The following PLS1 variants were observed in gnomAD, a reference collection of about 807,000 sequenced individuals.
PLS1 encodes the protein plastin 1.
PLS1 carries 32 observed loss-of-function variants against 73.7 expected under a neutral mutation model. That is an observed-to-expected ratio of 0.43 (90% CI 0.33 to 0.58). The LOEUF (loss-of-function observed/expected upper bound fraction) is 0.58, where lower values mean the gene tolerates loss of function less well. Among genes scored for constraint, PLS1 ranks in the 20% least tolerant of loss-of-function variants. The pLI, the probability that PLS1 is intolerant of heterozygous loss-of-function variation, is 0.04. For synonymous variants in PLS1, 217 were observed against 261.3 expected (o/e 0.83, Z 1.63); for missense variants, 633 against 740.5 (o/e 0.85, Z 1.68).
intron 1 of PLS1, among the ~76,000 whole-genome samples, chr3:142,600,222 G>C (rs886219841): frequency 1.3e-5 from 2 of 152,218 alleles, no homozygotes; most frequent in Admixed American, 6.5e-5. Context: ...AGTGTACACA[G>C]TGAGGAGGGA....
intron 3 of PLS1, among the ~76,000 whole-genome samples, chr3:142,670,475 T>C (rs2037581260): frequency 6.6e-6 from 1 of 151,866 alleles, no homozygotes; most frequent in Admixed American, 6.5e-5. Context: ...AAGATCAGAT[T>C]TGCATTTAAA....
chr3:142,704,338 A>G, intron 13 of PLS1, 125 bp from the exon 14 acceptor site: 1 of 789,148 alleles, frequency 1.3e-6, no homozygotes. Context: ...CAAATGCCAG[A>G]CTAAAATTAG....
chr3:142,693,287 A>G (rs1316569168), intron 10 of PLS1, among the ~76,000 whole-genome samples: 2 of 152,182 alleles, frequency 1.3e-5, no homozygotes, highest in East Asian at 1.9e-4. Flanking sequence ...AATCCTTTAG[A>G]TCTGACAAGG....
At chr3:142,614,185 T>G (rs2036172545) in intron 1 of PLS1, among the ~76,000 whole-genome samples, 2 of 152,202 alleles carry the variant, frequency 1.3e-5, no homozygotes, top group African/African-American at 4.8e-5. Flanking sequence ...TGACTGAAGA[T>G]GGAAGCAACC....
intron 1 of PLS1, among the ~76,000 whole-genome samples, chr3:142,610,980 T>C (rs1024731430): frequency 6.6e-6 from 1 of 152,312 alleles, no homozygotes; most frequent in Non-Finnish European, 1.5e-5. Flanking sequence ...ATAAATATTT[T>C]AGGCTTTGTG....
intron 1 of PLS1, among the ~76,000 whole-genome samples, chr3:142,607,574 G>A (rs966148351): frequency 3.9e-5 from 6 of 152,140 alleles, no homozygotes; most frequent in South Asian, 4.1e-4. Flanking sequence ...GCTCCCGGCC[G>A]TATTATTAAC....
chr3:142,633,389 T>C (rs946531547), intron 1 of PLS1, among the ~76,000 whole-genome samples: 32 of 152,198 alleles, frequency 2.1e-4, no homozygotes, highest in African/African-American at 7.5e-4. Context: ...ACCTGTAATC[T>C]AGTTTCACAA....
At chr3:142,666,636 C>A (rs1259514646) in intron 2 of PLS1, among the ~76,000 whole-genome samples, 3 of 152,192 alleles carry the variant, frequency 2.0e-5, no homozygotes, top group Non-Finnish European at 4.4e-5. Flanking sequence ...GAAGTCCCTG[C>A]TTTCAATTAT....
intron 14 of PLS1, among the ~76,000 whole-genome samples, chr3:142,708,248 TATTTA>T (rs1391379707): frequency 6.6e-6 from 1 of 152,124 alleles, no homozygotes; most frequent in Non-Finnish European, 1.5e-5. Context: ...TTGTTTATTT[TATTTA>T]TTTATTTTTT....
intron 14 of PLS1, among the ~76,000 whole-genome samples, chr3:142,707,130 C>T (rs1295660490): frequency 1.3e-5 from 2 of 152,148 alleles, no homozygotes; most frequent in African/African-American, 4.8e-5. Context: ...AAGTGCTTGG[C>T]ATTTTGCATA....
At chr3:142,616,836 A>T (rs1157014673) in intron 1 of PLS1, among the ~76,000 whole-genome samples, 1 of 152,150 alleles carries the variant, frequency 6.6e-6, no homozygotes, top group Non-Finnish European at 1.5e-5. Context: ...TCCTGACCTC[A>T]GGTGATCCAT....
chr3:142,613,227 C>T (rs2036155478), intron 1 of PLS1, among the ~76,000 whole-genome samples: 1 of 152,130 alleles, frequency 6.6e-6, no homozygotes, highest in Non-Finnish European at 1.5e-5. Context: ...CCTGTAATCC[C>T]AGCACTTTGA....
chr3:142,706,073 A>G (rs1202635199), intron 14 of PLS1, among the ~76,000 whole-genome samples: 3 of 152,226 alleles, frequency 2.0e-5, no homozygotes, highest in African/African-American at 7.2e-5. Flanking sequence ...TTTGCACATT[A>G]TAGAAAATAT....
intron 1 of PLS1, among the ~76,000 whole-genome samples, chr3:142,628,729 T>C (rs1177726601): frequency 6.6e-6 from 1 of 152,230 alleles, no homozygotes; most frequent in African/African-American, 2.4e-5. Flanking sequence ...ACATTTGTCA[T>C]TGTTATTAGC....
intron 2 of PLS1, among the ~76,000 whole-genome samples, chr3:142,664,889 A>C (rs1028393455): frequency 4.0e-5 from 6 of 151,316 alleles, no homozygotes; most frequent in African/African-American, 1.5e-4. Flanking sequence ...CTTCCAAAAA[A>C]TTTTCCTCAT....
Position 142,669,558 on chromosome 3 carries a change from GTAAT to G in PLS1, c.234+6_234+9del. ...AGTTTTGAAGAGTTTGTGTCAGTAA[GTAAT>G]CTAATCCTTTCGGGCTACTGATAAT... On this transcript the variant is annotated splice_donor_region_variant and intron_variant, in intron 3 of 15. Transcript: ENST00000457734. 1 of 1,605,996 alleles carries G rather than the reference GTAAT, an allele frequency of 6.2e-7. No individual in the cohort carries two copies. The highest frequency in any genetic ancestry group is 1.3e-5 in the African/African-American group (1 of 74,864).
At chr3:142,685,548 A>G (rs773624080) in intron 8 of PLS1, among the ~76,000 whole-genome samples, 3 of 152,210 alleles carry the variant, frequency 2.0e-5, no homozygotes, top group Non-Finnish European at 4.4e-5. Flanking sequence ...GGCCTCAGTC[A>G]CATGTCTGGT....
intron 1 of PLS1, among the ~76,000 whole-genome samples, chr3:142,621,018 C>CA (rs992231122): frequency 1.3e-5 from 2 of 151,636 alleles, no homozygotes; most frequent in African/African-American, 4.8e-5. Flanking sequence ...GACTCTGTCT[C>CA]AAAAAAATAA....
At chr3:142,674,175 G>A (rs1174356814) in intron 4 of PLS1, among the ~76,000 whole-genome samples, 1 of 151,812 alleles carries the variant, frequency 6.6e-6, no homozygotes, top group Non-Finnish European at 1.5e-5. Context: ...ACATTTCTTT[G>A]TATATTTGTT....
Sources: gnomAD v4.1 joint callset for allele counts (sites outside exome capture counted in the v4.1 genomes callset) on GRCh38, gnomAD v4.1.1 for gene constraint, MANE v1.5 for transcripts, NCBI Gene and HGNC (gene_info 2026-07-23, HGNC 2026-07-21) for gene names.